LAMTOR5: variants seen among roughly 807,000 people sequenced by gnomAD.
LAMTOR5 encodes the protein late endosomal/lysosomal adaptor, MAPK and MTOR activator 5.
LAMTOR5 carries 8 observed loss-of-function variants against 12.1 expected under a neutral mutation model. The ratio of observed to expected loss-of-function variants is 0.66; its 90% CI spans 0.39 to 1.19. The LOEUF (loss-of-function observed/expected upper bound fraction) is 1.19, where lower values mean the gene tolerates loss of function less well. LAMTOR5 is among the 50% of genes most tolerant of loss of function. LAMTOR5 has a pLI of 0.01. For missense variants in LAMTOR5, 110 were observed against 112.8 expected (o/e 0.97, Z 0.11); for synonymous variants, 37 against 41.9 (o/e 0.88, Z 0.45).
chr1:110,402,717 G>A (rs1663253308), intron 3 of LAMTOR5, among the ~76,000 whole-genome samples: 1 of 152,206 alleles, frequency 6.6e-6, no homozygotes, highest in Admixed American at 6.5e-5. Context: ...GGGAGAAGAT[G>A]TGGAGATAGA....
chr1:110,401,407 G>C lies in LAMTOR5; in HGVS notation c.*116C>G. ...TTGACTCTTAAATAAACAGAAAAGT[G>C]CCTAATGCACATTAAATGAATGGCC... On this transcript the variant is annotated 3_prime_UTR_variant, in exon 4 of 4. Transcript: ENST00000602318. 9.4e-7 allele frequency: 1 copy of C among 1,063,670 alleles called. No individual in the cohort carries two copies. The highest frequency in any genetic ancestry group is 1.4e-6 in the Non-Finnish European group (1 of 729,752). 65.9% of individuals were successfully genotyped at this position (1,063,670 alleles called of 1,614,324 possible).
intron 3 of LAMTOR5, chr1:110,403,695 C>A: frequency 2.1e-6 from 1 of 483,560 alleles, no homozygotes; most frequent in Non-Finnish European, 3.4e-6. Flanking sequence ...TGTTGGTAAA[C>A]TGATAGCTTC....
intron 3 of LAMTOR5, among the ~76,000 whole-genome samples, chr1:110,403,244 A>G (rs1663262448): frequency 6.6e-6 from 1 of 152,092 alleles, no homozygotes; most frequent in Non-Finnish European, 1.5e-5. Context: ...GCAGTTGTAT[A>G]TATATACTTT....
intron 3 of LAMTOR5, among the ~76,000 whole-genome samples, chr1:110,403,022 C>G (rs979374479): frequency 6.6e-6 from 1 of 152,008 alleles, no homozygotes; most frequent in Non-Finnish European, 1.5e-5. Context: ...ACATAAATAC[C>G]ACTGTTATAA....
At chr1:110,407,123 T>A in intron 1 of LAMTOR5, 1 of 645,138 alleles carries the variant, frequency 1.6e-6, no homozygotes, top group East Asian at 2.7e-5. Context: ...GAATTTTACA[T>A]AGATACTGCT....
At chr1:110,403,793 A>G (rs1663272290) in intron 3 of LAMTOR5, 126 bp downstream of exon 3, 3 of 1,428,954 alleles carry the variant, frequency 2.1e-6, no homozygotes, top group Admixed American at 2.4e-5. Context: ...TGTGATTCAA[A>G]AGATTAAGAA....
intron 2 of LAMTOR5, among the ~76,000 whole-genome samples, chr1:110,406,037 G>A (rs572650274): frequency 6.6e-6 from 1 of 152,178 alleles, no homozygotes; most frequent in Non-Finnish European, 1.5e-5. Flanking sequence ...GTTATTATCT[G>A]AAGTCCTTTC....
intron 2 of LAMTOR5, among the ~76,000 whole-genome samples, chr1:110,404,885 T>C (rs539544327): frequency 6.6e-6 from 1 of 151,984 alleles, no homozygotes; most frequent in Admixed American, 6.5e-5. Context: ...CTGTATCTAC[T>C]AAAAATACAA....
In LAMTOR5 at chr1:110,407,679, C is replaced by T. The variant is rs140594819; in HGVS notation, c.-59G>A. On this transcript the variant is annotated 5_prime_UTR_variant, in exon 1 of 4. It adds an upstream start codon to the 5' untranslated region. Transcript: ENST00000602318. Reference sequence around the variant, plus strand: ...CGGCACGGCACGTCCTTCTCCACCACAGGCCTCAGTCACTTGACGCGAGCG... The same window carrying T: ...CGGCACGGCACGTCCTTCTCCACCATAGGCCTCAGTCACTTGACGCGAGCG... The T allele has an allele frequency of 1.8e-5, 29 of 1,614,136 alleles. No homozygotes were observed. The highest frequency in any genetic ancestry group is 2.4e-5 in the Non-Finnish European group (28 of 1,180,048).
chr1:110,407,374 A>C, intron 1 of LAMTOR5: 1 of 643,922 alleles, frequency 1.6e-6, no homozygotes. Flanking sequence ...CTCGCTCAAG[A>C]GGGAATGTGC....
intron 3 of LAMTOR5, among the ~76,000 whole-genome samples, chr1:110,402,191 G>A (rs1310967435): frequency 2.0e-5 from 3 of 152,160 alleles, no homozygotes; most frequent in African/African-American, 7.2e-5. Context: ...ATACAATTAT[G>A]TACAGTACGT....
chr1:110,406,892 G>A, intron 1 of LAMTOR5: 1 of 444,322 alleles, frequency 2.3e-6, no homozygotes, highest in Non-Finnish European at 4.0e-6. Flanking sequence ...TCTGATGAGA[G>A]AAAAAAATGT....
intron 3 of LAMTOR5, chr1:110,403,717 A>T: frequency 1.7e-6 from 1 of 598,588 alleles, no homozygotes; most frequent in Non-Finnish European, 2.5e-6. Context: ...GCCAATTCTT[A>T]TTCTTCATTT....
intron 2 of LAMTOR5, 80 bp from the exon 3 acceptor site, chr1:110,404,116 A>C: frequency 6.4e-7 from 1 of 1,567,992 alleles, no homozygotes; most frequent in Non-Finnish European, 8.6e-7. Context: ...CTGTTTTAAA[A>C]TGTCTACAGA....
intron 2 of LAMTOR5, among the ~76,000 whole-genome samples, chr1:110,405,346 G>T (rs910192554): frequency 4.6e-5 from 7 of 151,880 alleles, no homozygotes; most frequent in African/African-American, 1.7e-4. Context: ...TGCATTTTTA[G>T]TAGAGATGTG....
intron 3 of LAMTOR5, among the ~76,000 whole-genome samples, chr1:110,402,831 A>G (rs1178912216): frequency 1.3e-5 from 2 of 152,232 alleles, no homozygotes; most frequent in Non-Finnish European, 2.9e-5. Context: ...GTTTAAAAAA[A>G]GAATTTTTGT....
chr1:110,407,649 C>G lies in LAMTOR5; in HGVS notation c.-29G>C. The G allele has an allele frequency of 6.2e-6, 10 of 1,614,216 alleles. No individual in the cohort carries two copies. The highest frequency in any genetic ancestry group is 8.5e-6 in the Non-Finnish European group (10 of 1,180,030). On this transcript the variant is annotated 5_prime_UTR_variant, in exon 1 of 4. Transcript: ENST00000602318. ...ACCCACCGACCACTCCGGCTCAGAA[C>G]CCAGCGGCACGGCACGTCCTTCTCC...
intron 2 of LAMTOR5, among the ~76,000 whole-genome samples, chr1:110,404,411 T>G (rs1663287918): frequency 6.6e-6 from 1 of 152,210 alleles, no homozygotes; most frequent in Non-Finnish European, 1.5e-5. Context: ...AGGAACTCAT[T>G]TAGTTTTAGA....
Position 110,401,341 on chromosome 1 carries a change from C to T in LAMTOR5, c.*182G>A, listed in dbSNP as rs1316751802. On this transcript the variant is annotated 3_prime_UTR_variant, in exon 4 of 4. Coordinates refer to ENST00000602318, the MANE Select transcript of LAMTOR5 (RefSeq NM_001382293.1). ...TGCTTCAAAACATGATCCTTTCTTA[C>T]TAATATCTTGATAGTCGGTCCATAG... The T allele has an allele frequency of 6.2e-6, 3 of 485,470 alleles. No individual in the cohort carries two copies. The East Asian group carries it at 9.8e-5, about 16-fold the overall frequency. The allele number at this position is 485,470 out of a possible 1,614,324, so 30.1% of individuals were successfully genotyped here. A position where few individuals can be genotyped will look rare whatever the true frequency, so the allele number is the denominator to read the frequency against.
Sources: allele counts gnomAD v4.1 joint callset (sites outside exome capture counted in the v4.1 genomes callset), GRCh38; gene constraint gnomAD v4.1.1; transcripts MANE v1.5; gene names NCBI Gene and HGNC (gene_info 2026-07-23, HGNC 2026-07-21).